The following KPNA3 variants were observed in gnomAD, a reference collection of about 807,000 sequenced individuals.
KPNA3 encodes karyopherin subunit alpha 3, also known as importin subunit alpha-4.
In KPNA3, 13 loss-of-function variants were observed where a neutral mutation model predicts 73.8. The observed-to-expected ratio is 0.18, with a 90% CI of 0.11 to 0.28. The LOEUF (loss-of-function observed/expected upper bound fraction) is 0.28, where lower values mean the gene tolerates loss of function less well. Ranked by LOEUF, KPNA3 falls within the 10% of genes least tolerant of loss-of-function variation. KPNA3 has a pLI of 1.00. For missense variants in KPNA3, 360 were observed against 618.1 expected, an observed-to-expected ratio of 0.58 and a Z score of 4.43; for synonymous variants, 186 against 206.9, an observed-to-expected ratio of 0.90 and a Z score of 0.87.
intron 2 of KPNA3, among the ~76,000 whole-genome samples, chr13:49,740,456 G>A (rs906441146): frequency 6.6e-6 from 1 of 152,078 alleles, no homozygotes; most frequent in South Asian, 2.1e-4. Flanking sequence ...TGTGCCGTGG[G>A]AGGTGATTAA....
chr13:49,791,924 G>GCGGGCCGCCA (rs1381964443), intron 1 of KPNA3, among the ~76,000 whole-genome samples: 6 of 152,186 alleles, frequency 3.9e-5, no homozygotes, highest in Non-Finnish European at 5.9e-5. Flanking sequence ...ACCCCCCTCT[G>GCGGGCCGCCA]CGGGCCGCCA....
intron 9 of KPNA3, among the ~76,000 whole-genome samples, chr13:49,720,301 C>T (rs932753695): frequency 6.6e-6 from 1 of 152,134 alleles, no homozygotes; most frequent in African/African-American, 2.4e-5. Flanking sequence ...CAAGAAAATT[C>T]GAACCAGTAC....
chr13:49,789,515 C>A (rs1286891773), intron 1 of KPNA3, among the ~76,000 whole-genome samples: 2 of 151,958 alleles, frequency 1.3e-5, no homozygotes, highest in Non-Finnish European at 2.9e-5. Context: ...GTATCAGCTG[C>A]TTCTATAATT....
At chr13:49,744,828 T>C (rs1954603081) in intron 2 of KPNA3, among the ~76,000 whole-genome samples, 2 of 152,362 alleles carry the variant, frequency 1.3e-5, no homozygotes, top group South Asian at 4.1e-4. Flanking sequence ...AACTATATAC[T>C]ATACCAATGA....
At chr13:49,730,641 T>C (rs1216830268) in intron 6 of KPNA3, among the ~76,000 whole-genome samples, 2 of 150,896 alleles carry the variant, frequency 1.3e-5, no homozygotes, top group Non-Finnish European at 2.9e-5. Context: ...TATTATACTT[T>C]AAGTTTTAGG....
chr13:49,722,610 GT>G, intron 7 of KPNA3, 47 bp from the exon 8 acceptor site: 1 of 1,212,108 alleles, frequency 8.3e-7, no homozygotes, highest in Non-Finnish European at 1.2e-6. Context: ...ATGTTGAAGA[GT>G]TTACAGATTT....
intron 6 of KPNA3, among the ~76,000 whole-genome samples, chr13:49,731,115 C>T (rs1351178883): frequency 6.6e-6 from 1 of 151,398 alleles, no homozygotes; most frequent in Non-Finnish European, 1.5e-5. Flanking sequence ...TGCTCTGTTA[C>T]CCAGGCTGGA....
Position 49,709,398 on chromosome 13 carries a change from C to CAAAA in KPNA3, c.1032+170_1032+173dup, listed in dbSNP as rs386379154. 3.3e-3 allele frequency among the ~76,000 whole-genome samples: 323 copies of CAAAA among 97,510 alleles called. 4 individuals carry two copies. The highest frequency in any genetic ancestry group is 5.0e-3 in the Non-Finnish European group (246 of 49,556). 64.0% of individuals were successfully genotyped at this position (97,510 alleles called of 152,430 possible). On this transcript the variant is annotated intron_variant, in intron 12 of 16. Coordinates refer to ENST00000261667, the MANE Select transcript of KPNA3 (RefSeq NM_002267.4). ...CCTAGGCAACAGACAGACTCTGTCT[C>CAAAA]AAAAAAAAAAAAAAAAAAGTTGAAG...
At chr13:49,772,175 G>A (rs963378901) in intron 1 of KPNA3, among the ~76,000 whole-genome samples, 7 of 151,932 alleles carry the variant, frequency 4.6e-5, no homozygotes, top group African/African-American at 1.7e-4. Flanking sequence ...TTGTTTTCTT[G>A]CCTAATTGTG....
chr13:49,762,465 C>T lies in KPNA3; in HGVS notation c.70-15472G>A, dbSNP rs576478607. On this transcript the variant is annotated intron_variant, in intron 1 of 16. Coordinates refer to ENST00000261667, the MANE Select transcript of KPNA3 (RefSeq NM_002267.4). ...AAAAGATAGAGAAATCAGATTGTTG[C>T]TGTGTCTGTGTAGAAAGAAGTAGAC... Among the ~76,000 whole-genome samples, 67 of 152,302 alleles carry T rather than the reference C, an allele frequency of 4.4e-4. 1 individual carries two copies. In the South Asian group the frequency reaches 0.012, roughly 28 times the overall value.
intron 10 of KPNA3, among the ~76,000 whole-genome samples, chr13:49,716,707 G>A (rs1954307298): frequency 6.6e-6 from 1 of 152,056 alleles, no homozygotes; most frequent in Admixed American, 6.6e-5. Flanking sequence ...CAAAGTGCTA[G>A]GATTACAAAT....
intron 1 of KPNA3, among the ~76,000 whole-genome samples, chr13:49,784,248 T>A (rs186255622): frequency 0.015 from 2,280 of 151,948 alleles, 57 homozygotes; most frequent in African/African-American, 0.051. Flanking sequence ...AATTTTTTTT[T>A]AAAAAAACTT....
At chr13:49,789,344 AT>A (rs1054277586) in intron 1 of KPNA3, among the ~76,000 whole-genome samples, 59 of 149,058 alleles carry the variant, frequency 4.0e-4, no homozygotes, top group African/African-American at 8.8e-4. Context: ...CACTAACCTC[AT>A]TTTTTTTTTC....
At chr13:49,712,768 C>T (rs1171084134) in intron 10 of KPNA3, among the ~76,000 whole-genome samples, 1 of 131,018 alleles carries the variant, frequency 7.6e-6, no homozygotes, top group East Asian at 1.1e-3. Context: ...ACTGTCAAAA[C>T]AGATAGTAAG....
chr13:49,789,765 T>C (rs1955017625), intron 1 of KPNA3, among the ~76,000 whole-genome samples: 1 of 152,136 alleles, frequency 6.6e-6, no homozygotes, highest in East Asian at 1.9e-4. Flanking sequence ...TCTCTCTCTC[T>C]CCTACATTTC....
intron 10 of KPNA3, among the ~76,000 whole-genome samples, chr13:49,719,436 C>T (rs1954334450): frequency 6.6e-6 from 1 of 152,080 alleles, no homozygotes; most frequent in African/African-American, 2.4e-5. Flanking sequence ...AATATCTAGC[C>T]TATCTGTTGT....
chr13:49,730,024 A>G (rs2137551636), intron 6 of KPNA3, among the ~76,000 whole-genome samples: 1 of 152,306 alleles, frequency 6.6e-6, no homozygotes, highest in Non-Finnish European at 1.5e-5. Context: ...TGACAAATCC[A>G]TAAAGTCAGA....
Position 49,710,922 on chromosome 13 carries a change from G to C in KPNA3, c.872C>G (p.Pro291Arg). The change falls in exon 11 of 17, where the codon CCC becomes CGC. Residue 291 changes from proline (P) to arginine (R), a missense_variant. By Grantham distance (103) the Pro-to-Arg change is moderately radical (BLOSUM62 -2). Transcript: ENST00000261667. ...TTTGACTTCCTGATGGCTCAGAAGGGGCACAAGAAAGGGCACAACTCCTGA... is the reference window on the plus strand; with the variant it reads ...TTTGACTTCCTGATGGCTCAGAAGGCGCACAAGAAAGGGCACAACTCCTGA... ...IDSGVVPFLV[P>R]LLSHQEVKVQ... 1 of 1,613,714 alleles carries C rather than the reference G, an allele frequency of 6.2e-7. No homozygotes were observed. The highest frequency in any genetic ancestry group is 8.5e-7 in the Non-Finnish European group (1 of 1,179,842).
chr13:49,752,490 T>C lies in KPNA3; in HGVS notation c.70-5497A>G, dbSNP rs557688245. ...CTATTGAAAGCCTACTGAAAAGACATATACACAAAAGTGATAAAAACTATC... is the reference window on the plus strand; with the variant it reads ...CTATTGAAAGCCTACTGAAAAGACACATACACAAAAGTGATAAAAACTATC... On this transcript the variant is annotated intron_variant, in intron 1 of 16. Coordinates refer to ENST00000261667, the MANE Select transcript of KPNA3 (RefSeq NM_002267.4). Among the ~76,000 whole-genome samples the C allele has an allele frequency of 2.8e-4, 42 of 152,172 alleles. No homozygotes were observed. The South Asian group carries it at 8.7e-3, about 32-fold the overall frequency.
Sources: gnomAD v4.1 joint callset for allele counts (sites outside exome capture counted in the v4.1 genomes callset) on GRCh38, gnomAD v4.1.1 for gene constraint, MANE v1.5 for transcripts, NCBI Gene and HGNC (gene_info 2026-07-23, HGNC 2026-07-21) for gene names.